Variants in CDH7 observed in about 807,000 individuals in gnomAD.
The protein encoded by CDH7 is cadherin 7.
Under a neutral mutation model 71.8 loss-of-function variants are expected in CDH7, and 25 were observed. That is an observed-to-expected ratio of 0.35 (90% CI 0.25 to 0.49). The LOEUF (loss-of-function observed/expected upper bound fraction) is 0.49. CDH7 is among the 20% of genes least tolerant of loss of function. The pLI, the probability that CDH7 is intolerant of heterozygous loss-of-function variation, is 0.99. For missense variants in CDH7, 862 were observed against 974.6 expected, an observed-to-expected ratio of 0.88 and a Z score of 1.54; for synonymous variants, 381 against 363.8, an observed-to-expected ratio of 1.05 and a Z score of -0.54.
At chr18:65,781,878 CTG>C (rs1363308464) in intron 2 of CDH7, among the ~76,000 whole-genome samples, 13 of 102,680 alleles carry the variant, frequency 1.3e-4, no homozygotes, top group African/African-American at 4.7e-4. Context: ...CTCTCTCTCT[CTG>C]TCTCTCTCTC....
At chr18:65,851,462 GAT>G (rs1423708005) in intron 7 of CDH7, among the ~76,000 whole-genome samples, 4 of 152,112 alleles carry the variant, frequency 2.6e-5, no homozygotes, top group Admixed American at 2.6e-4. Context: ...TGTGAACACT[GAT>G]ATGTAAATTA....
intron 11 of CDH7, among the ~76,000 whole-genome samples, chr18:65,876,530 T>G (rs1466410362): frequency 6.6e-6 from 1 of 152,122 alleles, no homozygotes; most frequent in Non-Finnish European, 1.5e-5. Flanking sequence ...GCCTCAAATA[T>G]TTGCTCACTG....
At chr18:65,763,803 A>G (rs1454149078) in intron 2 of CDH7, among the ~76,000 whole-genome samples, 2 of 151,974 alleles carry the variant, frequency 1.3e-5, no homozygotes, top group African/African-American at 4.8e-5. Context: ...ATATTTGAGA[A>G]GGAGATTTTC....
At chr18:65,774,115 A>C (rs181780115) in intron 2 of CDH7, among the ~76,000 whole-genome samples, 115 of 152,204 alleles carry the variant, frequency 7.6e-4, no homozygotes, top group Non-Finnish European at 1.3e-3. Flanking sequence ...AAAAAATAAA[A>C]ATCAAGATTT....
rs1914442265 is a variant in CDH7 at position 65,888,947 on chromosome 18, C to T, written c.*8053C>T. ...CCAATCTTAATTATGCTTTAGTTCCCTTACCAGGATTAGGAAACTTCTTTG... is the reference window on the plus strand; with the variant it reads ...CCAATCTTAATTATGCTTTAGTTCCTTTACCAGGATTAGGAAACTTCTTTG... On this transcript the variant is annotated 3_prime_UTR_variant, in exon 12 of 12. Transcript: ENST00000397968. The T allele has an allele frequency of 6.6e-6, 1 of 152,094 alleles. No homozygotes were observed. The highest frequency in any genetic ancestry group is 6.6e-5 in the Admixed American group (1 of 15,258). 9.4% of individuals were successfully genotyped at this position (152,094 alleles called of 1,614,324 possible).
At chr18:65,872,855 G>A (rs892427130) in intron 11 of CDH7, among the ~76,000 whole-genome samples, 3 of 151,552 alleles carry the variant, frequency 2.0e-5, no homozygotes, top group Admixed American at 6.6e-5. Flanking sequence ...TGATCACTCC[G>A]GCCTGGGTGA....
intron 7 of CDH7, among the ~76,000 whole-genome samples, chr18:65,857,358 T>A (rs928001326): frequency 1.0e-5 from 1 of 99,892 alleles, no homozygotes. Flanking sequence ...ATAATAATAA[T>A]AATAAAATAG....
chr18:65,857,259 G>A (rs1913392187), intron 7 of CDH7, among the ~76,000 whole-genome samples: 1 of 149,484 alleles, frequency 6.7e-6, no homozygotes, highest in South Asian at 2.1e-4. Context: ...GAGATGGAAG[G>A]GTCACTTGAG....
At chr18:65,758,837 T>G (rs1053951181) in intron 1 of CDH7, among the ~76,000 whole-genome samples, 1 of 152,232 alleles carries the variant, frequency 6.6e-6, no homozygotes, top group Admixed American at 6.5e-5. Flanking sequence ...AAATGAGCAT[T>G]ATGTAAATGG....
chr18:65,857,972 A>G lies in CDH7; in HGVS notation c.1372+20A>G. 1 of 1,610,934 alleles carries G rather than the reference A, an allele frequency of 6.2e-7. No individual in the cohort carries two copies. Among genetic ancestry groups the G allele is most frequent in the Middle Eastern group, 1.7e-4 (1 of 6,050 alleles). ...AGAGCCGTAAGTTGTGAGGCTTAAA[A>G]CTAAATTAAGATGGAGGACAGTGAG... On this transcript the variant is annotated intron_variant, in intron 8 of 11. Transcript: ENST00000397968.
chr18:65,879,864 C>A (rs1466934415), intron 11 of CDH7, among the ~76,000 whole-genome samples: 1 of 152,132 alleles, frequency 6.6e-6, no homozygotes, highest in Non-Finnish European at 1.5e-5. Context: ...TATAGAGAAG[C>A]TTTTAATCTT....
At chr18:65,878,270 T>C (rs965221594) in intron 11 of CDH7, among the ~76,000 whole-genome samples, 4 of 152,220 alleles carry the variant, frequency 2.6e-5, no homozygotes, top group Non-Finnish European at 4.4e-5. Flanking sequence ...TGCATACTGA[T>C]AAGTAACTGG....
At chr18:65,857,563 C>A (rs766183385) in intron 7 of CDH7, among the ~76,000 whole-genome samples, 1 of 151,756 alleles carries the variant, frequency 6.6e-6, no homozygotes, top group Non-Finnish European at 1.5e-5. Context: ...ATATTCAAAG[C>A]CATTGTGAAG....
intron 2 of CDH7, among the ~76,000 whole-genome samples, chr18:65,802,372 G>A (rs1599016560): frequency 6.6e-6 from 1 of 152,214 alleles, no homozygotes; most frequent in East Asian, 1.9e-4. Context: ...AAATTATTTG[G>A]TGAGCTGACT....
intron 2 of CDH7, among the ~76,000 whole-genome samples, chr18:65,797,032 A>G (rs1368878529): frequency 6.6e-6 from 1 of 152,140 alleles, no homozygotes; most frequent in African/African-American, 2.4e-5. Flanking sequence ...CAGTGGTGTT[A>G]CTGATTCTTC....
In CDH7 at chr18:65,883,231, T is replaced by TA. The variant is rs942646241; in HGVS notation, c.*2344dup. The TA allele has an allele frequency of 3.9e-5, 6 of 151,984 alleles. No homozygotes were observed. The allele number at this position is 151,984 out of a possible 1,614,324, so 9.4% of individuals were successfully genotyped here. A position where few individuals can be genotyped will look rare whatever the true frequency, so the allele number is the denominator to read the frequency against. On this transcript the variant is annotated 3_prime_UTR_variant, in exon 12 of 12. Coordinates refer to ENST00000397968, the MANE Select transcript of CDH7 (RefSeq NM_004361.5). ...ATTTCATTCAGTGGTATTTTTTAAT[T>TA]AAAAAAATTAATTTAAAAAATTAAT...
intron 10 of CDH7, among the ~76,000 whole-genome samples, chr18:65,861,601 C>G (rs1295260735): frequency 2.6e-5 from 4 of 152,142 alleles, no homozygotes; most frequent in Non-Finnish European, 5.9e-5. Context: ...ACATAAAAAT[C>G]TACCAGATGG....
At chr18:65,773,926 C>T (rs928076541) in intron 2 of CDH7, among the ~76,000 whole-genome samples, 1 of 151,682 alleles carries the variant, frequency 6.6e-6, no homozygotes, top group African/African-American at 2.4e-5. Context: ...ATTTTTACAC[C>T]CCCACACTAA....
At chr18:65,809,364 A>C (rs1252612711) in intron 2 of CDH7, among the ~76,000 whole-genome samples, 1 of 152,250 alleles carries the variant, frequency 6.6e-6, no homozygotes, top group Non-Finnish European at 1.5e-5. Context: ...CCCATTATAC[A>C]TGTTTACTGA....
Sources: allele counts gnomAD v4.1 joint callset (sites outside exome capture counted in the v4.1 genomes callset), GRCh38; gene constraint gnomAD v4.1.1; transcripts MANE v1.5; gene names NCBI Gene and HGNC (gene_info 2026-07-23, HGNC 2026-07-21).